The following OTULIN variants were observed in gnomAD, a reference collection of about 807,000 sequenced individuals.
OTULIN encodes ubiquitin thioesterase otulin.
In OTULIN, 15 loss-of-function variants were observed where a neutral mutation model predicts 39.6. The ratio of observed to expected loss-of-function variants is 0.38; its 90% CI spans 0.25 to 0.58. The LOEUF (loss-of-function observed/expected upper bound fraction) is 0.58. Ranked by LOEUF, OTULIN falls within the 20% of genes least tolerant of loss-of-function variation. The probability of loss-of-function intolerance (pLI) is 0.66; values close to 1 mark genes in which losing one functional copy is unlikely to be tolerated. For missense variants in OTULIN, 319 were observed against 445.9 expected (o/e 0.72, Z 2.56); for synonymous variants, 156 against 170.3 (o/e 0.92, Z 0.65).
In OTULIN at chr5:14,697,804, A is replaced by G. The variant is rs961745101; in HGVS notation, c.*4756A>G. On this transcript the variant is annotated 3_prime_UTR_variant, in exon 7 of 7. Transcript: ENST00000284274. ...TGAAACTGCCAAAACATCGATCAGT[A>G]CAAGGAAGGGACACAGGGCTTAAAA... 1 of 152,192 alleles carries G rather than the reference A, an allele frequency of 6.6e-6. No homozygotes were observed. The highest frequency in any genetic ancestry group is 1.5e-5 in the Non-Finnish European group (1 of 68,044). The allele number at this position is 152,192 out of a possible 1,614,324, so 9.4% of individuals were successfully genotyped here. A position where few individuals can be genotyped will look rare whatever the true frequency, so the allele number is the denominator to read the frequency against.
chr5:14,700,580 C>T (rs182557703), downstream of OTULIN, among the ~76,000 whole-genome samples: 1 of 136,064 alleles, frequency 7.3e-6, no homozygotes, highest in Admixed American at 7.4e-5. Context: ...CCCTCCCCAT[C>T]CATACCCTCT....
At chr5:14,672,213 C>G (rs753361158) in intron 1 of OTULIN, among the ~76,000 whole-genome samples, 2 of 152,020 alleles carry the variant, frequency 1.3e-5, no homozygotes, top group Non-Finnish European at 1.5e-5. Context: ...GTTGGTCAGG[C>G]GTTTGGACTG....
At chr5:14,704,437 C>T (rs1007421329), downstream of OTULIN, among the ~76,000 whole-genome samples, 4 of 151,516 alleles carry the variant, frequency 2.6e-5, no homozygotes, top group Non-Finnish European at 5.9e-5. Flanking sequence ...TTGTCGGGCT[C>T]TGTCCTTCTC....
chr5:14,678,992 G>A (rs1016943206), intron 3 of OTULIN, among the ~76,000 whole-genome samples: 4 of 152,180 alleles, frequency 2.6e-5, no homozygotes, highest in African/African-American at 7.2e-5. Context: ...ATTCAGTGAC[G>A]CAATTTCTTT....
At chr5:14,701,982 C>T (rs933027742), downstream of OTULIN, among the ~76,000 whole-genome samples, 1 of 152,134 alleles carries the variant, frequency 6.6e-6, no homozygotes, top group Non-Finnish European at 1.5e-5. Flanking sequence ...ATGTCATTTC[C>T]ATCATAGTCT....
In OTULIN at chr5:14,664,752, C is replaced by G. The variant is rs976183327; in HGVS notation, c.-74C>G. 3 of 1,092,866 alleles carry G rather than the reference C, an allele frequency of 2.7e-6. No homozygotes were observed. The highest frequency in any genetic ancestry group is 1.7e-5 in the African/African-American group (1 of 59,874). 67.7% of individuals were successfully genotyped at this position (1,092,866 alleles called of 1,614,324 possible). ...CCCGGCGGCTGAGAGGCTGCGGCCA[C>G]TGCCTGGCACCCCGACGGGAGGGGC... On this transcript the variant is annotated 5_prime_UTR_variant, in exon 1 of 7. Coordinates refer to ENST00000284274, the MANE Select transcript of OTULIN (RefSeq NM_138348.6).
chr5:14,666,407 G>GT (rs1176032568), intron 1 of OTULIN, among the ~76,000 whole-genome samples: 1 of 151,716 alleles, frequency 6.6e-6, no homozygotes, highest in East Asian at 1.9e-4. Flanking sequence ...TGAAAGGAAT[G>GT]TAAAAAAAAA....
At chr5:14,685,950 G>C (rs1254470478) in intron 4 of OTULIN, among the ~76,000 whole-genome samples, 2 of 152,192 alleles carry the variant, frequency 1.3e-5, no homozygotes, top group African/African-American at 4.8e-5. Context: ...TTGCCGAAAC[G>C]CAGGGCAGTG....
chr5:14,667,719 T>TCC (rs1373828514), intron 1 of OTULIN, among the ~76,000 whole-genome samples: 1 of 152,136 alleles, frequency 6.6e-6, no homozygotes, highest in African/African-American at 2.4e-5. Context: ...TTTCCCTCCC[T>TCC]CTCTTCCTTC....
intron 1 of OTULIN, among the ~76,000 whole-genome samples, chr5:14,671,865 G>A (rs1447602498): frequency 1.3e-5 from 2 of 152,058 alleles, no homozygotes; most frequent in African/African-American, 4.8e-5. Flanking sequence ...AATTTTGAGT[G>A]CTAATTATTT....
the OTULIN span, among the ~76,000 whole-genome samples, chr5:14,715,901 C>T: frequency 4.4e-3 from 673 of 152,358 alleles, 6 homozygotes; most frequent in African/African-American, 0.014. Context: ...TCTTTTCTGA[C>T]CATCCATCTG....
In OTULIN at chr5:14,667,101, CTG is replaced by C. The variant is rs368379188; in HGVS notation, c.152+2126_152+2127del. ...ATGTTTACACTTAGAAGTGTGAACA[CTG>C]TAAGACTGTAGAAGTTTTGAGATAT... On this transcript the variant is annotated intron_variant, in intron 1 of 6. Coordinates refer to ENST00000284274, the MANE Select transcript of OTULIN (RefSeq NM_138348.6). Among the ~76,000 whole-genome samples, 189 of 152,294 alleles carry C rather than the reference CTG, an allele frequency of 1.2e-3. 1 individual carries two copies. The highest frequency in any genetic ancestry group is 4.4e-3 in the African/African-American group (184 of 41,560).
At chr5:14,692,646 T>G (rs1736558475) in intron 6 of OTULIN, among the ~76,000 whole-genome samples, 1 of 152,080 alleles carries the variant, frequency 6.6e-6, no homozygotes, top group Admixed American at 6.6e-5. Context: ...TACAGGATCC[T>G]TATCAGACAT....
intron 1 of OTULIN, among the ~76,000 whole-genome samples, chr5:14,665,429 G>A (rs1440934337): frequency 2.0e-5 from 3 of 152,224 alleles, no homozygotes; most frequent in African/African-American, 7.2e-5. Flanking sequence ...TGGACCCAAA[G>A]AGAATCTGAC....
At chr5:14,670,495 CG>C (rs1560991358) in intron 1 of OTULIN, among the ~76,000 whole-genome samples, 3 of 152,158 alleles carry the variant, frequency 2.0e-5, no homozygotes, top group Non-Finnish European at 4.4e-5. Flanking sequence ...TTCTATTAGA[CG>C]GGTAACTATT....
At chr5:14,713,227 C>G in the OTULIN span, among the ~76,000 whole-genome samples, 1 of 152,176 alleles carries the variant, frequency 6.6e-6, no homozygotes, top group Non-Finnish European at 1.5e-5. This position sits in a 1 kb window ranked among gnomAD's most constrained non-coding sequence, Gnocchi z 4.4. Context: ...ACGCTGGGAG[C>G]TCCCTGAGCG....
At chr5:14,674,752 C>CA (rs59209047) in intron 2 of OTULIN, among the ~76,000 whole-genome samples, 27 of 145,598 alleles carry the variant, frequency 1.9e-4, no homozygotes, top group South Asian at 1.1e-3. Flanking sequence ...GACCTTGTCT[C>CA]AAAAAAAAAA....
At chr5:14,670,795 G>A (rs1560991532) in intron 1 of OTULIN, among the ~76,000 whole-genome samples, 1 of 151,292 alleles carries the variant, frequency 6.6e-6, no homozygotes, top group East Asian at 1.9e-4. Context: ...TTGTAGAGGC[G>A]GGGTCTTGCT....
chr5:14,682,470 T>G (rs1736275834), intron 4 of OTULIN, among the ~76,000 whole-genome samples: 1 of 152,116 alleles, frequency 6.6e-6, no homozygotes, highest in African/African-American at 2.4e-5. Context: ...TAGCATTTTT[T>G]TACCAACAAA....
Sources: gnomAD v4.1 joint callset for allele counts (sites outside exome capture counted in the v4.1 genomes callset) on GRCh38, gnomAD v4.1.1 for gene constraint, Gnocchi (gnomAD v3.1) non-coding constraint, MANE v1.5 for transcripts, NCBI Gene and HGNC (gene_info 2026-07-23, HGNC 2026-07-21) for gene names.